UVRAG: variants seen among roughly 807,000 people sequenced by gnomAD.
UVRAG encodes the protein UV radiation resistance associated.
A neutral mutation model predicts 78.0 loss-of-function variants in UVRAG; 19 were observed. The observed-to-expected ratio is 0.24, with a 90% CI of 0.17 to 0.36. The LOEUF (loss-of-function observed/expected upper bound fraction) is 0.36. Among genes scored for constraint, UVRAG ranks in the 10% least tolerant of loss-of-function variants. The pLI is 1.00. For synonymous variants in UVRAG, 323 were observed against 324.6 expected, an observed-to-expected ratio of 1.00 and a Z score of 0.05; for missense variants, 740 against 853.8, an observed-to-expected ratio of 0.87 and a Z score of 1.66.
At chr11:75,902,626 TTAAC>T (rs1947528495) in intron 5 of UVRAG, among the ~76,000 whole-genome samples, 1 of 152,234 alleles carries the variant, frequency 6.6e-6, no homozygotes, top group Admixed American at 6.5e-5. Context: ...CATGTCTTTA[TTAAC>T]TATTTTTTCA....
intron 8 of UVRAG, among the ~76,000 whole-genome samples, chr11:75,988,121 G>C (rs1170744310): frequency 1.3e-5 from 2 of 152,146 alleles, no homozygotes; most frequent in African/African-American, 4.8e-5. Context: ...TTAAAAATCA[G>C]TTTTAATGAG....
chr11:76,078,778 A>T lies in UVRAG; in HGVS notation c.1305+12990A>T, dbSNP rs557893554. Among the ~76,000 whole-genome samples the T allele has an allele frequency of 3.2e-3, 467 of 145,642 alleles. 2 individuals are homozygous for T. Among genetic ancestry groups the T allele is most frequent in the Non-Finnish European group, 5.4e-3 (360 of 66,894 alleles). ...AAAAAAAAAAAAAAAAAAAAAAAAAAATTAGCTGGGTGTGGTGGCGGACAC... is the reference window on the plus strand; with the variant it reads ...AAAAAAAAAAAAAAAAAAAAAAAAATATTAGCTGGGTGTGGTGGCGGACAC... On this transcript the variant is annotated intron_variant, in intron 13 of 14. Coordinates refer to ENST00000356136, the MANE Select transcript of UVRAG (RefSeq NM_003369.4).
At chr11:75,984,123 T>G (rs2135279280) in intron 8 of UVRAG, among the ~76,000 whole-genome samples, 1 of 152,346 alleles carries the variant, frequency 6.6e-6, no homozygotes, top group Middle Eastern at 3.4e-3. Flanking sequence ...GAAACCATAC[T>G]ATGAATTTTG....
chr11:75,858,480 T>C (rs1946341807), intron 2 of UVRAG, among the ~76,000 whole-genome samples: 1 of 152,252 alleles, frequency 6.6e-6, no homozygotes, highest in South Asian at 2.1e-4. Context: ...TTGCATTGAA[T>C]AGATACACCA....
chr11:76,136,333 T>C (rs1416336009), intron 14 of UVRAG, among the ~76,000 whole-genome samples: 2 of 152,146 alleles, frequency 1.3e-5, no homozygotes, highest in Non-Finnish European at 2.9e-5. Context: ...TAGCAAAGGT[T>C]CAGAAACATC....
chr11:76,068,759 A>C (rs1200340854), intron 13 of UVRAG, among the ~76,000 whole-genome samples: 1 of 152,190 alleles, frequency 6.6e-6, no homozygotes, highest in Non-Finnish European at 1.5e-5. Context: ...AAGAACCATT[A>C]ATTGTTATGG....
intron 3 of UVRAG, among the ~76,000 whole-genome samples, 179 bp from the exon 4 acceptor site, chr11:75,879,700 A>G (rs927495341): frequency 3.1e-4 from 47 of 152,248 alleles, no homozygotes; most frequent in African/African-American, 1.1e-3. Context: ...GAGAAATTCA[A>G]AAGTACCATT....
chr11:76,032,526 AGG>A (rs1950454542), intron 12 of UVRAG, among the ~76,000 whole-genome samples: 2 of 152,230 alleles, frequency 1.3e-5, no homozygotes, highest in Non-Finnish European at 2.9e-5. Flanking sequence ...ATTGAGCACT[AGG>A]ACATACTAGT....
At position 75,993,100 on chromosome 11, in the gene UVRAG, C is replaced by T. The variant is rs550719639; in HGVS notation, c.826+9587C>T. ...TGAATGACCACAAAGGAATTATTTACTGTCTGCATCTTTTTACACATCTGT... is the reference window on the plus strand; with the variant it reads ...TGAATGACCACAAAGGAATTATTTATTGTCTGCATCTTTTTACACATCTGT... On this transcript the variant is annotated intron_variant, in intron 8 of 14. Coordinates refer to ENST00000356136, the MANE Select transcript of UVRAG (RefSeq NM_003369.4). Among the ~76,000 whole-genome samples the T allele has an allele frequency of 2.6e-5, 4 of 152,338 alleles. No individual in the cohort carries two copies. In the South Asian group the frequency reaches 8.3e-4, roughly 32 times the overall value.
At chr11:75,999,273 T>C (rs1949765302) in intron 8 of UVRAG, among the ~76,000 whole-genome samples, 1 of 147,682 alleles carries the variant, frequency 6.8e-6, no homozygotes, top group African/African-American at 2.5e-5. Context: ...AAGGCAAAAA[T>C]AATGGTGTTT....
chr11:76,085,885 T>G (rs570749297), intron 13 of UVRAG, among the ~76,000 whole-genome samples: 2 of 152,284 alleles, frequency 1.3e-5, no homozygotes, highest in East Asian at 3.9e-4. Flanking sequence ...ATCTATCAGC[T>G]TGTATTTCTG....
At position 76,115,961 on chromosome 11, in the gene UVRAG, G is replaced by C. The variant is rs377643065; in HGVS notation, c.1343G>C (p.Arg448Pro). 1.2e-6 allele frequency: 2 copies of C among 1,613,860 alleles called. No homozygotes were observed. Among genetic ancestry groups the C allele is most frequent in the Non-Finnish European group, 1.7e-6 (2 of 1,179,866 alleles). ...YQHGLGTPDL[R>P]QTLPNLKNFM... ...CATGGACTAGGGACTCCAGACTTGCGGCAAACCCTTCCCAACCTGAAAAAC... is the reference window on the plus strand; with the variant it reads ...CATGGACTAGGGACTCCAGACTTGCCGCAAACCCTTCCCAACCTGAAAAAC... The change falls in exon 14 of 15, where the codon CGG becomes CCG. Residue 448 changes from arginine to proline, a missense_variant. Transcript: ENST00000356136.
intron 7 of UVRAG, among the ~76,000 whole-genome samples, chr11:75,973,097 G>C (rs1039039320): frequency 6.6e-6 from 1 of 152,260 alleles, no homozygotes; most frequent in South Asian, 2.1e-4. Flanking sequence ...AGCGAAAGGG[G>C]ATATCCTTGT....
intron 13 of UVRAG, among the ~76,000 whole-genome samples, chr11:76,090,334 C>A (rs534141457): frequency 3.0e-4 from 46 of 152,280 alleles, no homozygotes; most frequent in African/African-American, 1.0e-3. Context: ...TAGCCTACTA[C>A]GCCTGCTTGT....
intron 12 of UVRAG, among the ~76,000 whole-genome samples, chr11:76,034,986 T>C (rs1950506103): frequency 2.0e-5 from 3 of 152,202 alleles, no homozygotes; most frequent in Admixed American, 6.5e-5. Flanking sequence ...TGTATAAATA[T>C]AAGGTTGGTA....
In UVRAG at chr11:75,815,243, A is replaced by ACGGCGGCAG. The variant is rs770357399; in HGVS notation, c.-148_-140dup. 0.011 allele frequency: 5,185 copies of ACGGCGGCAG among 451,232 alleles called. 59 individuals carry two copies. Among genetic ancestry groups the ACGGCGGCAG allele is most frequent in the Non-Finnish European group, 0.015 (3,846 of 260,730 alleles). 28.0% of individuals were successfully genotyped at this position (451,232 alleles called of 1,614,324 possible). Reference sequence around the variant, plus strand: ...GGCTCTTCCTTAGCCAGCGGCGGCAACGGCGGCAGCGGCGGCAGCGGCGGC... The same window carrying ACGGCGGCAG: ...GGCTCTTCCTTAGCCAGCGGCGGCAACGGCGGCAGCGGCGGCAGCGGCGGCAGCGGCGGC... On this transcript the variant is annotated 5_prime_UTR_variant, in exon 1 of 15. Transcript: ENST00000356136.
intron 12 of UVRAG, among the ~76,000 whole-genome samples, chr11:76,031,780 A>T (rs1260823755): frequency 6.6e-6 from 1 of 152,228 alleles, no homozygotes; most frequent in African/African-American, 2.4e-5. Flanking sequence ...TCCCACATTC[A>T]ATACTGTTAC....
chr11:76,117,664 A>G (rs904986537), intron 14 of UVRAG, among the ~76,000 whole-genome samples: 1 of 152,144 alleles, frequency 6.6e-6, no homozygotes, highest in African/African-American at 2.4e-5. Context: ...ATCACAATGT[A>G]AACTGGAGAG....
chr11:75,924,279 G>A (rs1054558500), intron 6 of UVRAG, among the ~76,000 whole-genome samples: 5 of 151,922 alleles, frequency 3.3e-5, no homozygotes, highest in African/African-American at 1.2e-4. Context: ...CCTTGGATAT[G>A]TTTTGCCACA....
Sources: gnomAD v4.1 joint callset for allele counts (sites outside exome capture counted in the v4.1 genomes callset) on GRCh38, gnomAD v4.1.1 for gene constraint, MANE v1.5 for transcripts, NCBI Gene and HGNC (gene_info 2026-07-23, HGNC 2026-07-21) for gene names.